The following ENPP3 variants were observed in gnomAD, a reference collection of about 807,000 sequenced individuals.
The protein encoded by ENPP3 is ectonucleotide pyrophosphatase/phosphodiesterase family member 3.
In ENPP3, 104 loss-of-function variants were observed where a neutral mutation model predicts 117.8. The observed-to-expected ratio is 0.88, with a 90% CI of 0.75 to 1.04. The LOEUF is 1.04. Ranked by LOEUF, ENPP3 falls within the 50% of genes least tolerant of loss-of-function variation. The probability of loss-of-function intolerance (pLI) is 0.00; values close to 1 mark genes in which losing one functional copy is unlikely to be tolerated. For synonymous variants in ENPP3, 380 were observed against 349.9 expected (o/e 1.09, Z -0.96); for missense variants, 1,026 against 1,051.9 (o/e 0.98, Z 0.34).
intron 6 of ENPP3, among the ~76,000 whole-genome samples, chr6:131,666,483 A>G (rs1417481387): frequency 6.6e-6 from 1 of 152,132 alleles, no homozygotes; most frequent in Non-Finnish European, 1.5e-5. Flanking sequence ...AAACCCCATC[A>G]TGCATATATT....
intron 2 of ENPP3, among the ~76,000 whole-genome samples, chr6:131,646,949 A>C (rs2114301171): frequency 6.6e-6 from 1 of 151,352 alleles, no homozygotes; most frequent in African/African-American, 2.4e-5. Context: ...TGGAAGAGGT[A>C]AATGAGTTTT....
chr6:131,668,939 C>T (rs183189299), intron 6 of ENPP3, among the ~76,000 whole-genome samples: 6 of 152,280 alleles, frequency 3.9e-5, no homozygotes, highest in Non-Finnish European at 5.9e-5. Flanking sequence ...TAATACAAAA[C>T]GGTAGCTTGG....
chr6:131,730,423 A>G (rs1276591365), intron 20 of ENPP3, among the ~76,000 whole-genome samples: 2 of 152,214 alleles, frequency 1.3e-5, no homozygotes, highest in East Asian at 3.8e-4. Flanking sequence ...CTCATCCAAC[A>G]CATTTAGCAC....
intron 1 of ENPP3, among the ~76,000 whole-genome samples, chr6:131,639,263 A>ATTTT (rs71030752): frequency 4.8e-3 from 440 of 91,072 alleles, no homozygotes; most frequent in Non-Finnish European, 5.6e-3. Context: ...ATATATATAT[A>ATTTT]TATTTTTTTT....
chr6:131,640,040 A>G (rs923682388), intron 1 of ENPP3, among the ~76,000 whole-genome samples: 2 of 152,180 alleles, frequency 1.3e-5, no homozygotes, highest in Non-Finnish European at 2.9e-5. Flanking sequence ...AACAAGCCAC[A>G]AATATATGGA....
At chr6:131,646,697 C>T (rs910090270) in intron 2 of ENPP3, among the ~76,000 whole-genome samples, 19 of 150,752 alleles carry the variant, frequency 1.3e-4, no homozygotes, top group Admixed American at 4.6e-4. Flanking sequence ...TCTTACCTAA[C>T]GACACCCTGG....
intron 19 of ENPP3, 144 bp from the exon 20 acceptor site, chr6:131,725,902 G>A (rs1023949591): frequency 2.8e-5 from 14 of 496,408 alleles, no homozygotes; most frequent in Non-Finnish European, 5.0e-5. Flanking sequence ...ATTGAAAGAG[G>A]TTAAATATGT....
intron 5 of ENPP3, among the ~76,000 whole-genome samples, chr6:131,655,347 T>C (rs1022958073): frequency 6.6e-6 from 1 of 152,244 alleles, no homozygotes; most frequent in African/African-American, 2.4e-5. Context: ...CCTTTGGCTC[T>C]ATTATCTCCA....
At chr6:131,714,236 ACT>A (rs1779844930) in intron 15 of ENPP3, among the ~76,000 whole-genome samples, 1 of 142,564 alleles carries the variant, frequency 7.0e-6, no homozygotes, top group Admixed American at 7.1e-5. Flanking sequence ...TAAGTTGGTG[ACT>A]CTCTGCATTT....
intron 1 of ENPP3, among the ~76,000 whole-genome samples, chr6:131,639,259 A>AT (rs1182066318): frequency 1.6e-5 from 1 of 61,490 alleles, no homozygotes; most frequent in Non-Finnish European, 2.7e-5. Flanking sequence ...ATATATATAT[A>AT]TATATATTTT....
chr6:131,639,810 T>C (rs539540921), intron 1 of ENPP3, among the ~76,000 whole-genome samples: 2 of 152,216 alleles, frequency 1.3e-5, no homozygotes, highest in African/African-American at 4.8e-5. Context: ...ATATTTATAG[T>C]AAATGATTAT....
chr6:131,741,094 T>C (rs1020752938), intron 24 of ENPP3, among the ~76,000 whole-genome samples: 3 of 152,146 alleles, frequency 2.0e-5, no homozygotes, highest in African/African-American at 7.2e-5. Context: ...TAAACATCAT[T>C]ATTAGGCTAC....
chr6:131,637,369 T>C lies in ENPP3; in HGVS notation c.-16T>C. 1 of 1,562,916 alleles carries C rather than the reference T, an allele frequency of 6.4e-7. No individual in the cohort carries two copies. The highest frequency in any genetic ancestry group is 8.7e-7 in the Non-Finnish European group (1 of 1,149,686). On this transcript the variant is annotated 5_prime_UTR_variant, in exon 1 of 25. It removes an upstream start codon present in the reference 5' UTR. Coordinates refer to ENST00000357639, the MANE Select transcript of ENPP3 (RefSeq NM_005021.5). ...AATTTATTCTGATAAAACAGGTCTA[T>C]GCAGCTACCAGGACAATGGAATCTA...
At chr6:131,727,417 G>A (rs1585724423) in intron 20 of ENPP3, among the ~76,000 whole-genome samples, 1 of 151,804 alleles carries the variant, frequency 6.6e-6, no homozygotes, top group East Asian at 1.9e-4. Flanking sequence ...TAGGCAGGCG[G>A]GGTGGCATAT....
In ENPP3 at chr6:131,712,250, T is replaced by C. The variant is rs1779805020; in HGVS notation, c.1413-6422T>C. On this transcript the variant is annotated intron_variant, in intron 15 of 24. Transcript: ENST00000357639. ...TTTACTTGCTTTTTTGTATATTTGG[T>C]ACTTTTTTTAAAGTATGCTGAATTT... Among the ~76,000 whole-genome samples the C allele has an allele frequency of 1.4e-5, 2 of 146,960 alleles. 1 individual carries two copies. Among genetic ancestry groups the C allele is most frequent in the South Asian group, 4.2e-4 (2 of 4,714 alleles).
intron 1 of ENPP3, 67 bp from the exon 2 acceptor site, chr6:131,641,388 G>A: frequency 1.0e-6 from 1 of 959,252 alleles, no homozygotes; most frequent in Non-Finnish European, 1.6e-6. Flanking sequence ...ACTGAGAAAG[G>A]GTGGTTATTT....
rs1286436840 is a variant in ENPP3, at chr6:131,705,957, C to A, written c.1412+12333C>A. 1.5e-5 allele frequency among the ~76,000 whole-genome samples: 2 copies of A among 137,162 alleles called. 1 individual carries two copies. The highest frequency in any genetic ancestry group is 6.6e-5 in the African/African-American group (2 of 30,456). The allele number at this position is 137,162 out of a possible 152,430, so 90.0% of individuals were successfully genotyped here. The stretch of plus-strand genomic sequence containing the variant: ...GTAAACAATCCTACTGCACTCCCAG[C>A]ATGGTTAAAAGCAAACAACTATGTA... On this transcript the variant is annotated intron_variant, in intron 15 of 24. Transcript: ENST00000357639.
chr6:131,665,670 C>T (rs900238533), intron 6 of ENPP3, among the ~76,000 whole-genome samples: 10 of 151,874 alleles, frequency 6.6e-5, no homozygotes, highest in East Asian at 1.9e-4. Context: ...TTTATCTTTT[C>T]GAAGAACCAA....
chr6:131,725,278 A>T (rs1445133918), intron 19 of ENPP3, among the ~76,000 whole-genome samples: 1 of 152,114 alleles, frequency 6.6e-6, no homozygotes, highest in East Asian at 1.9e-4. Context: ...ATATAACAAG[A>T]TGCCATAGAC....
Sources: gnomAD v4.1 joint callset for allele counts (sites outside exome capture counted in the v4.1 genomes callset) on GRCh38, gnomAD v4.1.1 for gene constraint, MANE v1.5 for transcripts, NCBI Gene and HGNC (gene_info 2026-07-23, HGNC 2026-07-21) for gene names.